The following KATNBL1 variants were observed in gnomAD, a reference collection of about 807,000 sequenced individuals.
KATNBL1 encodes the protein KATNB1-like protein 1.
KATNBL1 carries 28 observed loss-of-function variants against 44.7 expected under a neutral mutation model. That is an observed-to-expected ratio of 0.63 (90% CI 0.46 to 0.86). The LOEUF is 0.86. Among genes scored for constraint, KATNBL1 ranks in the 40% least tolerant of loss-of-function variants. KATNBL1 has a pLI of 0.00. For missense variants in KATNBL1, 272 were observed against 350.7 expected (o/e 0.78, Z 1.79); for synonymous variants, 78 against 114.9 (o/e 0.68, Z 2.06).
chr15:34,178,484 G>A (rs946538239), intron 1 of KATNBL1, among the ~76,000 whole-genome samples: 22 of 152,150 alleles, frequency 1.4e-4, no homozygotes, highest in African/African-American at 4.8e-4. Context: ...TGGGCCGGGC[G>A]TGGTGGCTCT....
chr15:34,151,591 A>C (rs1888480090), intron 4 of KATNBL1, among the ~76,000 whole-genome samples: 1 of 151,154 alleles, frequency 6.6e-6, no homozygotes, highest in South Asian at 2.1e-4. Flanking sequence ...AGCTGGCATT[A>C]CAGGCGTGCA....
At chr15:34,178,249 A>G (rs1889395979) in intron 1 of KATNBL1, among the ~76,000 whole-genome samples, 1 of 152,238 alleles carries the variant, frequency 6.6e-6, no homozygotes, top group African/African-American at 2.4e-5. Flanking sequence ...AAATAAGATG[A>G]CAGTACTAAT....
rs1264735620 is a variant in KATNBL1 at position 34,161,743 on chromosome 15, G to A, written c.117+1817C>T. On this transcript the variant is annotated intron_variant, in intron 2 of 9. Transcript: ENST00000256544. Reference sequence around the variant, plus strand: ...GAGAGCAGTTTCAGCGGGAAGGATGGTTACAGAGCAGGTGACTAAGATGAC... The same window carrying A: ...GAGAGCAGTTTCAGCGGGAAGGATGATTACAGAGCAGGTGACTAAGATGAC... Among the ~76,000 whole-genome samples, 8 of 152,166 alleles carry A rather than the reference G, an allele frequency of 5.3e-5. No individual in the cohort carries two copies. In the East Asian group the frequency reaches 1.5e-3, roughly 29 times the overall value.
At position 34,154,553 on chromosome 15, in the gene KATNBL1, T is replaced by G; in HGVS notation, c.158+91A>C. The stretch of plus-strand genomic sequence containing the variant: ...TGTTTGACAATAAGTTAATTATTAT[T>G]ATGATAAAAGAATGCTTATTTTTCC... On this transcript the variant is annotated intron_variant, in intron 3 of 9. Coordinates refer to ENST00000256544, the MANE Select transcript of KATNBL1 (RefSeq NM_024713.3). 3.8e-6 allele frequency: 3 copies of G among 793,262 alleles called. No homozygotes were observed. The South Asian group carries it at 4.5e-5, about 12-fold the overall frequency. 49.1% of individuals were successfully genotyped at this position (793,262 alleles called of 1,614,324 possible).
At chr15:34,163,050 T>TC (rs1471296058) in intron 2 of KATNBL1, among the ~76,000 whole-genome samples, 2 of 151,276 alleles carry the variant, frequency 1.3e-5, no homozygotes, top group Non-Finnish European at 3.0e-5. Context: ...AAAAACTTTT[T>TC]TTTTTTTTTT....
intron 1 of KATNBL1, among the ~76,000 whole-genome samples, chr15:34,198,773 G>T (rs1023610113): frequency 7.9e-5 from 12 of 152,150 alleles, no homozygotes; most frequent in African/African-American, 2.9e-4. Context: ...TCAAGAACTG[G>T]GAAGAGGGAC....
chr15:34,179,734 C>T (rs1037909395), intron 1 of KATNBL1, among the ~76,000 whole-genome samples: 1 of 152,210 alleles, frequency 6.6e-6, no homozygotes, highest in African/African-American at 2.4e-5. Flanking sequence ...CAAAAAAGGT[C>T]TATCAAAACA....
At chr15:34,178,669 T>C (rs908978743) in intron 1 of KATNBL1, among the ~76,000 whole-genome samples, 1 of 145,916 alleles carries the variant, frequency 6.9e-6, no homozygotes, top group Non-Finnish European at 1.5e-5. Flanking sequence ...GGCAGGAGAA[T>C]GGCATGAACC....
At chr15:34,144,928 CCTTTA>C (rs1284521715) in intron 9 of KATNBL1, 2 of 337,568 alleles carry the variant, frequency 5.9e-6, no homozygotes, top group East Asian at 3.1e-4. Flanking sequence ...TTTACTTTTT[CCTTTA>C]CGAGACAAAT....
At chr15:34,207,392 T>A (rs912699151) in intron 1 of KATNBL1, among the ~76,000 whole-genome samples, 3 of 151,978 alleles carry the variant, frequency 2.0e-5, no homozygotes, top group African/African-American at 7.3e-5. Context: ...GTATTTTAAG[T>A]AGAGACAGGG....
chr15:34,195,273 G>A (rs573123293), intron 1 of KATNBL1, among the ~76,000 whole-genome samples: 1 of 152,260 alleles, frequency 6.6e-6, no homozygotes, highest in African/African-American at 2.4e-5. Context: ...CCTTAAAAAA[G>A]AATGAAATAA....
Position 34,147,430 on chromosome 15 carries a change from C to T in KATNBL1, c.558G>A (p.Arg186=). 6.2e-7 allele frequency: 1 copy of T among 1,611,222 alleles called. No homozygotes were observed. The highest frequency in any genetic ancestry group is 1.1e-5 in the South Asian group (1 of 90,936). The part of the protein sequence containing the change: ...SISELVAYLL[R]IEDLGVVVDC... The stretch of plus-strand genomic sequence containing the variant: ...CTACCACAACGCCAAGATCTTCTAT[C>T]CTGAGAGTATAAAAAGAATAGCATT... The change falls in exon 6 of 10, where the codon AGG becomes AGA. Residue 186 remains arginine, a splice_region_variant and synonymous_variant. Transcript: ENST00000256544.
intron 3 of KATNBL1, 69 bp downstream of exon 3, chr15:34,154,575 T>C (rs568830254): frequency 3.7e-5 from 35 of 954,086 alleles, no homozygotes; most frequent in Admixed American, 2.2e-4. Flanking sequence ...ATGCTTATTT[T>C]TCCCTTATTG....
chr15:34,188,436 A>C (rs995265780), intron 1 of KATNBL1, among the ~76,000 whole-genome samples: 4 of 152,084 alleles, frequency 2.6e-5, no homozygotes, highest in Admixed American at 2.0e-4. Context: ...CATGCCTGTA[A>C]TCCCAGCTAC....
intron 2 of KATNBL1, among the ~76,000 whole-genome samples, chr15:34,157,113 C>T (rs1016939853): frequency 6.6e-6 from 1 of 152,136 alleles, no homozygotes; most frequent in African/African-American, 2.4e-5. Context: ...TGGCACATCT[C>T]CACAGGGCAT....
chr15:34,180,888 C>A (rs1272473855), intron 1 of KATNBL1, among the ~76,000 whole-genome samples: 1 of 152,068 alleles, frequency 6.6e-6, no homozygotes, highest in Non-Finnish European at 1.5e-5. Flanking sequence ...CATAGTGAGA[C>A]CCGTCTCCAA....
intron 1 of KATNBL1, among the ~76,000 whole-genome samples, chr15:34,169,967 C>T (rs1042011043): frequency 2.0e-5 from 3 of 152,160 alleles, no homozygotes; most frequent in Admixed American, 6.5e-5. Flanking sequence ...TTATGACAAT[C>T]CCACAGCCAA....
At position 34,141,770 on chromosome 15, in the gene KATNBL1, T is replaced by C. The variant is rs1028608470; in HGVS notation, c.*569A>G. On this transcript the variant is annotated 3_prime_UTR_variant, in exon 10 of 10. Transcript: ENST00000256544. ...AAACAGATATTGGTATCATAACACA[T>C]TGGCTTATTAATAATTAAGGCATTT... 1.3e-5 allele frequency: 2 copies of C among 152,606 alleles called. No homozygotes were observed. Among genetic ancestry groups the C allele is most frequent in the East Asian group, 1.9e-4 (1 of 5,204 alleles). 9.5% of individuals were successfully genotyped at this position (152,606 alleles called of 1,614,324 possible).
chr15:34,161,739 G>T (rs1441492596), intron 2 of KATNBL1, among the ~76,000 whole-genome samples: 1 of 152,188 alleles, frequency 6.6e-6, no homozygotes, highest in East Asian at 1.9e-4. Flanking sequence ...CAGCGGGAAG[G>T]ATGGTTACAG....
Sources: allele counts gnomAD v4.1 joint callset (sites outside exome capture counted in the v4.1 genomes callset), GRCh38; gene constraint gnomAD v4.1.1; transcripts MANE v1.5; gene names NCBI Gene and HGNC (gene_info 2026-07-23, HGNC 2026-07-21).